The following RMDN2 variants were observed in gnomAD, a reference collection of about 807,000 sequenced individuals.
RMDN2 encodes regulator of microtubule dynamics 2.
Under a neutral mutation model 52.8 loss-of-function variants are expected in RMDN2, and 61 were observed. The ratio of observed to expected loss-of-function variants is 1.16; its 90% confidence interval spans 0.94 to 1.43. The LOEUF (loss-of-function observed/expected upper bound fraction) is 1.43. Ranked by LOEUF, RMDN2 falls within the 40% of genes most tolerant of loss-of-function variation. RMDN2 has a pLI of 0.00. For synonymous variants in RMDN2, 180 were observed against 153.1 expected (o/e 1.18, Z -1.30); for missense variants, 592 against 475.3 (o/e 1.25, Z -2.28).
intron 10 of RMDN2, among the ~76,000 whole-genome samples, chr2:38,058,160 AC>A (rs1312763230): frequency 6.6e-6 from 1 of 152,098 alleles, no homozygotes; most frequent in Non-Finnish European, 1.5e-5. Context: ...TGTTCTTTTG[AC>A]CTGAGTTTAT....
chr2:38,009,766 T>A (rs935891076), intron 10 of RMDN2, among the ~76,000 whole-genome samples: 3 of 152,208 alleles, frequency 2.0e-5, no homozygotes, highest in African/African-American at 7.2e-5. Context: ...GCTGCATTCC[T>A]TTGGAGGAGG....
At chr2:37,933,375 C>G (rs562648068) in intron 2 of RMDN2, among the ~76,000 whole-genome samples, 3 of 152,360 alleles carry the variant, frequency 2.0e-5, no homozygotes, top group Non-Finnish European at 2.9e-5. Context: ...GGGGTGGCGG[C>G]TGGGCAGAGG....
chr2:38,057,397 A>G (rs144393207), intron 10 of RMDN2, among the ~76,000 whole-genome samples: 2 of 152,368 alleles, frequency 1.3e-5, no homozygotes, highest in African/African-American at 4.8e-5. Flanking sequence ...GTGTCATAAA[A>G]TACTTTTCCT....
chr2:37,922,729 G>A (rs1165225933), upstream of RMDN2, among the ~76,000 whole-genome samples: 1 of 152,216 alleles, frequency 6.6e-6, no homozygotes, highest in Non-Finnish European at 1.5e-5. Flanking sequence ...AAGTTTTGAT[G>A]GGGCATGGAT....
chr2:37,973,008 A>G (rs1358454141), intron 2 of RMDN2, among the ~76,000 whole-genome samples: 3 of 152,220 alleles, frequency 2.0e-5, no homozygotes, highest in African/African-American at 7.2e-5. Flanking sequence ...CGGGAGCTGC[A>G]AGTTGTGAAG....
At chr2:37,990,589 C>G (rs1482428943) in intron 6 of RMDN2, among the ~76,000 whole-genome samples, 2 of 143,034 alleles carry the variant, frequency 1.4e-5, no homozygotes, top group Non-Finnish European at 3.0e-5. Context: ...GTGACCAGCA[C>G]TAAGTAGTTA....
At chr2:38,047,311 T>A (rs1681332501) in intron 10 of RMDN2, among the ~76,000 whole-genome samples, 1 of 152,218 alleles carries the variant, frequency 6.6e-6, no homozygotes. Flanking sequence ...TATAAAGATT[T>A]GTATGTGAAT....
At chr2:38,026,185 T>G (rs1413207721) in intron 10 of RMDN2, among the ~76,000 whole-genome samples, 1 of 152,272 alleles carries the variant, frequency 6.6e-6, no homozygotes, top group African/African-American at 2.4e-5. Context: ...TTTGGTAGTT[T>G]GTATCTTTCA....
intron 1 of RMDN2, among the ~76,000 whole-genome samples, chr2:37,927,948 A>G (rs1029924172): frequency 3.3e-5 from 5 of 152,180 alleles, no homozygotes; most frequent in African/African-American, 4.8e-5. Context: ...TCCCAGTTAT[A>G]CCAATTAGGT....
At chr2:38,022,672 T>C (rs2125260167), downstream of RMDN2, among the ~76,000 whole-genome samples, 1 of 152,378 alleles carries the variant, frequency 6.6e-6, no homozygotes, top group East Asian at 1.9e-4. Context: ...GTAATTGCGA[T>C]GTTATCTTTC....
intron 2 of RMDN2, among the ~76,000 whole-genome samples, chr2:37,932,551 A>G (rs1308729033): frequency 6.6e-6 from 1 of 151,278 alleles, no homozygotes; most frequent in East Asian, 2.0e-4. Flanking sequence ...CATTGTCATC[A>G]TGGCCCATTC....
At chr2:38,029,335 C>T (rs1680010186) in intron 10 of RMDN2, 2 of 152,196 alleles carry the variant, frequency 1.3e-5, no homozygotes, top group Admixed American at 6.5e-5. Flanking sequence ...ATCTCCCTTC[C>T]CACTCAAGGC....
upstream of RMDN2, among the ~76,000 whole-genome samples, chr2:37,921,389 A>G (rs985068883): frequency 5.3e-5 from 8 of 152,200 alleles, no homozygotes; most frequent in Non-Finnish European, 7.3e-5. Context: ...TTAAAACTAC[A>G]TCAGACATAG....
chr2:37,985,919 T>C (rs1254595418), intron 5 of RMDN2, among the ~76,000 whole-genome samples: 1 of 152,170 alleles, frequency 6.6e-6, no homozygotes, highest in Non-Finnish European at 1.5e-5. Flanking sequence ...CAATTTTGTA[T>C]CAATATTGTA....
chr2:37,928,286 T>C (rs1405177377), intron 1 of RMDN2, among the ~76,000 whole-genome samples: 2 of 152,224 alleles, frequency 1.3e-5, no homozygotes, highest in Non-Finnish European at 2.9e-5. Flanking sequence ...CTGCTTGTTC[T>C]CTCAGACCCT....
intron 4 of RMDN2, 46 bp downstream of exon 4, chr2:37,975,360 T>G: frequency 3.7e-6 from 4 of 1,075,358 alleles, no homozygotes; most frequent in Non-Finnish European, 5.8e-6. Flanking sequence ...TTAAGATCTA[T>G]AGTAAATCAT....
At chr2:37,926,240 A>T (rs906068465) in intron 1 of RMDN2, among the ~76,000 whole-genome samples, 5 of 152,254 alleles carry the variant, frequency 3.3e-5, no homozygotes, top group African/African-American at 1.2e-4. Flanking sequence ...TGCTAGATTT[A>T]TGGTGAAAGC....
intron 10 of RMDN2, among the ~76,000 whole-genome samples, chr2:38,024,985 TTC>T (rs1679670662): frequency 6.6e-6 from 1 of 152,164 alleles, no homozygotes; most frequent in Admixed American, 6.5e-5. Context: ...TTTGTTTTTG[TTC>T]TGTTTGGACT....
intron 10 of RMDN2, among the ~76,000 whole-genome samples, chr2:38,010,207 G>A (rs985693556): frequency 1.7e-4 from 26 of 152,178 alleles, no homozygotes; most frequent in African/African-American, 2.2e-4. Context: ...CTCCAGCTGC[G>A]TGCTGGGAGA....
Sources: allele counts gnomAD v4.1 joint callset (sites outside exome capture counted in the v4.1 genomes callset), GRCh38; gene constraint gnomAD v4.1.1; transcripts MANE v1.5; gene names NCBI Gene and HGNC (gene_info 2026-07-23, HGNC 2026-07-21).